DCAF8L2: variants seen among roughly 807,000 people sequenced by gnomAD.
DCAF8L2 encodes DDB1- and CUL4-associated factor 8-like protein 2.
For missense variants in DCAF8L2, 430 were observed against 490.7 expected (o/e 0.88, Z 1.17); for synonymous variants, 200 against 190.9 (o/e 1.05, Z -0.39).
chrX:27,583,972 C>G, the DCAF8L2 span, among the ~76,000 whole-genome samples: 4 of 111,500 alleles, frequency 3.6e-5, no homozygotes, highest in African/African-American at 1.3e-4. Context: ...GTAAAGACCC[C>G]AAACCTCTAG....
At chrX:27,608,730 A>G (rs1174328805) in intron 1 of DCAF8L2, among the ~76,000 whole-genome samples, 2 of 109,674 alleles carry the variant, frequency 1.8e-5, no homozygotes, top group Non-Finnish European at 3.8e-5. Context: ...TTTTGCAAAT[A>G]AGACAGAAGA....
intron 1 of DCAF8L2, among the ~76,000 whole-genome samples, chrX:27,621,192 A>G (rs1265282332): frequency 9.0e-6 from 1 of 111,366 alleles, no homozygotes; most frequent in Non-Finnish European, 1.9e-5. Flanking sequence ...ATATTTTTTA[A>G]TGTGTGGAGA....
intron 2 of DCAF8L2, among the ~76,000 whole-genome samples, chrX:27,668,023 T>C (rs745395474): frequency 7.2e-5 from 8 of 111,774 alleles, no homozygotes; most frequent in South Asian, 7.4e-4. Flanking sequence ...ATGGCTATGG[T>C]TCTGAAGGCT....
At chrX:27,717,838 T>C (rs1052790441) in intron 4 of DCAF8L2, among the ~76,000 whole-genome samples, 1 of 112,237 alleles carries the variant, frequency 8.9e-6, no homozygotes, top group Non-Finnish European at 1.9e-5. Context: ...TAGAGAAATG[T>C]GAAATTTTTA....
the DCAF8L2 span, among the ~76,000 whole-genome samples, chrX:27,581,676 C>A: frequency 9.1e-6 from 1 of 109,421 alleles, no homozygotes; most frequent in Non-Finnish European, 1.9e-5. Flanking sequence ...CCCCACCTCC[C>A]GGGTTCAAGT....
At chrX:27,654,090 T>G (rs1417362474) in intron 2 of DCAF8L2, among the ~76,000 whole-genome samples, 1 of 111,173 alleles carries the variant, frequency 9.0e-6, no homozygotes, top group African/African-American at 3.3e-5. Context: ...TATGTGTCAC[T>G]TTAGGGTTTG....
chrX:27,555,713 T>C, the DCAF8L2 span, among the ~76,000 whole-genome samples: 1 of 111,860 alleles, frequency 8.9e-6, no homozygotes, highest in Non-Finnish European at 1.9e-5. Flanking sequence ...TGTAGTGACA[T>C]TGCAGGAGGA....
chrX:27,613,431 A>G (rs192142782), intron 1 of DCAF8L2, among the ~76,000 whole-genome samples: 3,439 of 111,231 alleles, frequency 0.031, 142 homozygotes, highest in African/African-American at 0.11. Flanking sequence ...TTCCTAATTG[A>G]ATACCCTTTA....
At chrX:27,691,571 A>G (rs942827916) in intron 3 of DCAF8L2, among the ~76,000 whole-genome samples, 8 of 111,668 alleles carry the variant, frequency 7.2e-5, no homozygotes, top group African/African-American at 2.3e-4. Context: ...TCTCTGTCCT[A>G]TTTTCCTTAA....
rs763297777 is a variant in DCAF8L2 at position 27,736,385 on chromosome X, T to G, written c.-58-10453T>G. Among the ~76,000 whole-genome samples the G allele has an allele frequency of 5.4e-5, 6 of 111,988 alleles. No individual in the cohort carries two copies. The South Asian group carries it at 2.2e-3, about 41-fold the overall frequency. On this transcript the variant is annotated intron_variant, in intron 4 of 4. Coordinates refer to ENST00000451261, the MANE Select transcript of DCAF8L2 (RefSeq NM_001353450.2). ...CACTTAGTTGGTTCTTTCATTTATT[T>G]TCAACAAATCTTTACTTGGTGCCTA...
intron 1 of DCAF8L2, among the ~76,000 whole-genome samples, chrX:27,593,453 T>C (rs1926210689): frequency 8.9e-6 from 1 of 111,941 alleles, no homozygotes; most frequent in Admixed American, 9.5e-5. Context: ...CTGGATCACA[T>C]TTTGTTTATC....
chrX:27,562,891 T>A, the DCAF8L2 span, among the ~76,000 whole-genome samples: 2 of 112,194 alleles, frequency 1.8e-5, no homozygotes, highest in Non-Finnish European at 3.8e-5. Context: ...TTCCATAAAA[T>A]CTGGGTGTCT....
chrX:27,540,288 C>G, the DCAF8L2 span, among the ~76,000 whole-genome samples: 1 of 111,599 alleles, frequency 9.0e-6, no homozygotes, highest in Non-Finnish European at 1.9e-5. Flanking sequence ...ATTTACAGCA[C>G]ACCTATTTTG....
chrX:27,617,715 CAGTGCATCTGTT>C (rs753205869), intron 1 of DCAF8L2, among the ~76,000 whole-genome samples: 252 of 111,078 alleles, frequency 2.3e-3, no homozygotes, highest in African/African-American at 7.8e-3. Flanking sequence ...AGTGATTAGT[CAGTGCATCTGTT>C]AACTGCTCAC....
At chrX:27,508,406 CAG>C in the DCAF8L2 span, among the ~76,000 whole-genome samples, 1 of 110,489 alleles carries the variant, frequency 9.1e-6, no homozygotes, top group Non-Finnish European at 1.9e-5. Context: ...TCTGATCAAC[CAG>C]AGAGAGTGCA....
At chrX:27,668,840 C>G (rs1442054284) in intron 2 of DCAF8L2, among the ~76,000 whole-genome samples, 1 of 109,791 alleles carries the variant, frequency 9.1e-6, no homozygotes, top group African/African-American at 3.3e-5. Context: ...GTAATCCCAG[C>G]AGGAGAATCG....
At chrX:27,656,313 A>G (rs1056373193) in intron 2 of DCAF8L2, among the ~76,000 whole-genome samples, 7 of 112,187 alleles carry the variant, frequency 6.2e-5, no homozygotes, top group Non-Finnish European at 1.3e-4. Flanking sequence ...GAGAGTAGAT[A>G]AAACATTATT....
chrX:27,482,205 C>T, the DCAF8L2 span, among the ~76,000 whole-genome samples: 1 of 111,238 alleles, frequency 9.0e-6, no homozygotes, highest in Admixed American at 9.6e-5. Flanking sequence ...AATCATATTG[C>T]AAATTGAATG....
In DCAF8L2 at chrX:27,673,691, G is replaced by A. The variant is rs142437054; in HGVS notation, c.-219-4145G>A. Among the ~76,000 whole-genome samples, 341 of 107,056 alleles carry A rather than the reference G, an allele frequency of 3.2e-3. 4 individuals are homozygous for A. The highest frequency in any genetic ancestry group is 0.013 in the East Asian group (43 of 3,424). 93.0% of individuals were successfully genotyped at this position (107,056 alleles called of 115,157 possible). On this transcript the variant is annotated intron_variant, in intron 2 of 4. Transcript: ENST00000451261. ...TATACATATGTGTGTGTATATATACGTGGTTGTGTGTATATATATATATAC... is the reference window on the plus strand; with the variant it reads ...TATACATATGTGTGTGTATATATACATGGTTGTGTGTATATATATATATAC...
Sources: gnomAD v4.1 joint callset for allele counts (sites outside exome capture counted in the v4.1 genomes callset) on GRCh38, gnomAD v4.1.1 for gene constraint, MANE v1.5 for transcripts, NCBI Gene and HGNC (gene_info 2026-07-23, HGNC 2026-07-21) for gene names.